PHF21B: variants seen among roughly 807,000 people sequenced by gnomAD.
PHF21B encodes PHD finger protein 4.
In PHF21B, 22 loss-of-function variants were observed where a neutral mutation model predicts 62.2. The ratio of observed to expected loss-of-function variants is 0.35; its 90% CI spans 0.25 to 0.51. The LOEUF (loss-of-function observed/expected upper bound fraction) is 0.51. PHF21B is among the 20% of genes least tolerant of loss of function. The pLI is 0.97. For missense variants in PHF21B, 701 were observed against 707.9 expected (o/e 0.99, Z 0.11); for synonymous variants, 341 against 314.7 (o/e 1.08, Z -0.88).
At chr22:44,953,924 C>T (rs150160953) in intron 2 of PHF21B, among the ~76,000 whole-genome samples, 5 of 152,338 alleles carry the variant, frequency 3.3e-5, no homozygotes, top group Non-Finnish European at 5.9e-5. Flanking sequence ...AAGCCCACCC[C>T]GCCAGGAGAG....
chr22:44,926,405 A>T (rs2071633087), intron 2 of PHF21B, among the ~76,000 whole-genome samples: 1 of 152,236 alleles, frequency 6.6e-6, no homozygotes, highest in Admixed American at 6.5e-5. Flanking sequence ...GCCAGAGAAC[A>T]GGCACGAACC....
intron 2 of PHF21B, among the ~76,000 whole-genome samples, chr22:44,982,805 G>C (rs1329205763): frequency 6.6e-6 from 1 of 152,112 alleles, no homozygotes; most frequent in Admixed American, 6.5e-5. Context: ...TGTGTATTAC[G>C]GGAGCAGCAG....
Position 44,920,477 on chromosome 22 carries a change from A to G in PHF21B, c.134T>C (p.Ile45Thr). The G allele has an allele frequency of 6.2e-7, 1 of 1,611,298 alleles. No individual in the cohort carries two copies. The highest frequency in any genetic ancestry group is 1.3e-5 in the African/African-American group (1 of 74,964). ...AGGACCCGTGACAGGCACTGCAGTGATCGTTCCCAAAGCCTGAAACATACA... is the reference window on the plus strand; with the variant it reads ...AGGACCCGTGACAGGCACTGCAGTGGTCGTTCCCAAAGCCTGAAACATACA... ...ALSDKQALGT[I>T]TAVPVTGPQV... Residue 45 changes from isoleucine (I) to threonine (T), a missense_variant, in exon 3 of 13, where the codon ATC becomes ACC. By Grantham distance (89) the Ile-to-Thr change is moderately conservative (BLOSUM62 -1). Coordinates refer to ENST00000313237, the MANE Select transcript of PHF21B (RefSeq NM_138415.5).
At position 44,950,285 on chromosome 22, in the gene PHF21B, G is replaced by A. The variant is rs1005857712; in HGVS notation, c.121-29795C>T. On this transcript the variant is annotated intron_variant, in intron 2 of 12. Transcript: ENST00000313237. Reference sequence around the variant, plus strand: ...TCAACCCTGGGTTGCGTACCGCAGTGACTCATTAATCCCCTCTAACAATTG... The same window carrying A: ...TCAACCCTGGGTTGCGTACCGCAGTAACTCATTAATCCCCTCTAACAATTG... Among the ~76,000 whole-genome samples the A allele has an allele frequency of 2.0e-5, 3 of 152,358 alleles. No individual in the cohort carries two copies. In the South Asian group the frequency reaches 6.2e-4, roughly 32 times the overall value.
chr22:44,985,497 C>G (rs559343465), intron 2 of PHF21B, among the ~76,000 whole-genome samples: 1 of 152,046 alleles, frequency 6.6e-6, no homozygotes, highest in South Asian at 2.1e-4. Flanking sequence ...TTATGGGAGG[C>G]TGAACCAGGA....
intron 2 of PHF21B, among the ~76,000 whole-genome samples, chr22:44,926,618 A>C (rs2071637295): frequency 1.3e-5 from 2 of 152,170 alleles, no homozygotes; most frequent in African/African-American, 4.8e-5. Flanking sequence ...TGGGCTGAGG[A>C]GGCCGAGGAC....
intron 2 of PHF21B, among the ~76,000 whole-genome samples, chr22:44,969,920 ACT>A (rs1464756156): frequency 6.6e-6 from 1 of 152,224 alleles, no homozygotes; most frequent in Non-Finnish European, 1.5e-5. Flanking sequence ...AGATTTGAAC[ACT>A]GTCTCGTTTT....
chr22:44,891,800 T>C (rs930097895), intron 7 of PHF21B, among the ~76,000 whole-genome samples: 1 of 152,238 alleles, frequency 6.6e-6, no homozygotes, highest in African/African-American at 2.4e-5. Flanking sequence ...AAACATCACA[T>C]GTGGACAAAG....
In PHF21B at chr22:44,985,988, CACCATCACCATGACA is replaced by C. The variant is rs778579148; in HGVS notation, c.120+22542_120+22556del. Among the ~76,000 whole-genome samples, 246 of 151,610 alleles carry C rather than the reference CACCATCACCATGACA, an allele frequency of 1.6e-3. 6 individuals are homozygous for C. In the East Asian group the frequency reaches 0.041, roughly 25 times the overall value. Reference sequence around the variant, plus strand: ...CCAACACTATGACAACCATCCTCATCACCATCACCATGACAACCATCACCAGCAGCAGCACCACCA... The same window carrying C: ...CCAACACTATGACAACCATCCTCATCACCATCACCAGCAGCAGCACCACCA... On this transcript the variant is annotated intron_variant, in intron 2 of 12. Transcript: ENST00000313237.
intron 2 of PHF21B, among the ~76,000 whole-genome samples, chr22:44,925,471 G>A (rs945141998): frequency 5.3e-5 from 8 of 152,166 alleles, no homozygotes; most frequent in Non-Finnish European, 1.2e-4. Flanking sequence ...TTTGCCACCT[G>A]TCCCATGGGG....
At chr22:44,891,557 C>T (rs958792428) in intron 7 of PHF21B, among the ~76,000 whole-genome samples, 197 bp from the exon 8 acceptor site, 14 of 151,356 alleles carry the variant, frequency 9.2e-5, no homozygotes, top group Non-Finnish European at 1.6e-4. Flanking sequence ...GAGGATGGGG[C>T]GGGGCGGGGC....
At chr22:44,903,939 T>C (rs2071204627) in intron 5 of PHF21B, among the ~76,000 whole-genome samples, 1 of 152,246 alleles carries the variant, frequency 6.6e-6, no homozygotes, top group South Asian at 2.1e-4. Flanking sequence ...GCATTTATTA[T>C]GGTTACTGAG....
intron 2 of PHF21B, among the ~76,000 whole-genome samples, chr22:44,932,697 C>T (rs547524015): frequency 6.6e-6 from 1 of 152,368 alleles, no homozygotes; most frequent in African/African-American, 2.4e-5. Flanking sequence ...GGTGCACCTC[C>T]GCACCTGCAC....
At chr22:44,889,575 C>T (rs892800457) in intron 9 of PHF21B, among the ~76,000 whole-genome samples, 185 bp downstream of exon 9, 6 of 152,198 alleles carry the variant, frequency 3.9e-5, no homozygotes, top group East Asian at 1.9e-4. Flanking sequence ...CCCGACTTGA[C>T]GCTGCCTGGC....
rs143855962 is a variant in PHF21B at position 44,896,998 on chromosome 22, C to T, written c.832-915G>A. Among the ~76,000 whole-genome samples, 710 of 151,518 alleles carry T rather than the reference C, an allele frequency of 4.7e-3. 9 individuals carry two copies. The highest frequency in any genetic ancestry group is 0.017 in the East Asian group (86 of 5,120). ...GGTTCAAGTGATCCTCCTACCTCAG[C>T]CTCCCGAGGAGCTGGGACCACAGGT... On this transcript the variant is annotated intron_variant, in intron 5 of 12. Transcript: ENST00000313237.
intron 3 of PHF21B, among the ~76,000 whole-genome samples, chr22:44,918,863 G>A (rs1179444745): frequency 6.6e-6 from 1 of 152,200 alleles, no homozygotes; most frequent in African/African-American, 2.4e-5. Flanking sequence ...AGCCTGCCTT[G>A]CTCTGAAGCC....
intron 3 of PHF21B, among the ~76,000 whole-genome samples, chr22:44,919,040 C>A (rs1005683030): frequency 6.6e-6 from 1 of 152,198 alleles, no homozygotes; most frequent in Non-Finnish European, 1.5e-5. Flanking sequence ...TCTCACCCTG[C>A]ACCCTCCTCC....
intron 5 of PHF21B, among the ~76,000 whole-genome samples, chr22:44,911,412 G>C (rs2071341540): frequency 6.6e-6 from 1 of 152,152 alleles, no homozygotes; most frequent in South Asian, 2.1e-4. Flanking sequence ...TGTAGGCCTA[G>C]AGGTTTAGGA....
intron 9 of PHF21B, 120 bp downstream of exon 9, chr22:44,889,640 C>A: frequency 7.9e-7 from 1 of 1,263,866 alleles, no homozygotes; most frequent in South Asian, 1.5e-5. Flanking sequence ...AAAGGCAGAA[C>A]CGAAAGGCCT....
Sources: allele counts gnomAD v4.1 joint callset (sites outside exome capture counted in the v4.1 genomes callset), GRCh38; gene constraint gnomAD v4.1.1; transcripts MANE v1.5; gene names NCBI Gene and HGNC (gene_info 2026-07-23, HGNC 2026-07-21).